ZNF540: variants seen among roughly 807,000 people sequenced by gnomAD.
ZNF540 encodes the protein zinc finger protein 540, also known as CTD-3064H18.6.
Under a neutral mutation model 11.8 loss-of-function variants are expected in ZNF540, and 3 were observed. The observed-to-expected ratio is 0.25, with a 90% CI of 0.12 to 0.65. The LOEUF is 0.65. Ranked by LOEUF, ZNF540 falls within the 30% of genes least tolerant of loss-of-function variation. The pLI, the probability that ZNF540 is intolerant of heterozygous loss-of-function variation, is 0.83. For missense variants in ZNF540, 709 were observed against 793.1 expected (o/e 0.89, Z 1.27); for synonymous variants, 247 against 259.0 (o/e 0.95, Z 0.45).
chr19:37,580,730 A>G (rs1451909039), intron 1 of ZNF540, among the ~76,000 whole-genome samples: 1 of 152,120 alleles, frequency 6.6e-6, no homozygotes, highest in African/African-American at 2.4e-5. Flanking sequence ...CCCTCTCACC[A>G]TGTGATCTCT....
chr19:37,591,142 CT>C (rs1374787003), upstream of ZNF540, among the ~76,000 whole-genome samples: 16 of 152,236 alleles, frequency 1.1e-4, no homozygotes, highest in Middle Eastern at 3.4e-3. Context: ...AAACGACAGC[CT>C]TATGGCAATG....
chr19:37,566,135 C>T (rs1490606367), intron 1 of ZNF540: 1 of 1,613,976 alleles, frequency 6.2e-7, no homozygotes, highest in South Asian at 1.1e-5. Context: ...TGCTTCTTGA[C>T]CCTCTAAGTT....
intron 4 of ZNF540, among the ~76,000 whole-genome samples, chr19:37,609,978 C>A (rs1023266164): frequency 6.6e-6 from 1 of 152,170 alleles, no homozygotes; most frequent in African/African-American, 2.4e-5. Context: ...CAGTGAACAA[C>A]AGGATTGGAA....
chr19:37,563,086 C>G (rs919599242), intron 1 of ZNF540: 2 of 152,070 alleles, frequency 1.3e-5, no homozygotes, highest in Non-Finnish European at 2.9e-5. Context: ...CCCAGCACTT[C>G]TGGAGGCTGA....
At chr19:37,580,701 A>C (rs2043425784) in intron 1 of ZNF540, among the ~76,000 whole-genome samples, 1 of 152,094 alleles carries the variant, frequency 6.6e-6, no homozygotes, top group South Asian at 2.1e-4. Flanking sequence ...CTGGTTTTTA[A>C]AAAAGCCTGT....
Position 37,606,140 on chromosome 19 carries a change from T to C in ZNF540, c.232+5035T>C, listed in dbSNP as rs562763273. The stretch of plus-strand genomic sequence containing the variant: ...TACCTTCCATTTTTGTTGATTTTCC[T>C]TTTCTGAACATTTCATATAAATGGG... On this transcript the variant is annotated intron_variant, in intron 4 of 4. Transcript: ENST00000316433. Among the ~76,000 whole-genome samples, 4 of 152,316 alleles carry C rather than the reference T, an allele frequency of 2.6e-5. No individual in the cohort carries two copies. In the South Asian group the frequency reaches 8.3e-4, roughly 32 times the overall value.
At chr19:37,566,169 C>T in intron 1 of ZNF540, 3 of 1,614,006 alleles carry the variant, frequency 1.9e-6, no homozygotes, top group African/African-American at 1.3e-5. Flanking sequence ...ATATTGTCTC[C>T]AAGACCATTG....
intron 3 of ZNF540, 85 bp from the exon 4 acceptor site, chr19:37,600,925 A>G: frequency 8.9e-7 from 1 of 1,128,186 alleles, no homozygotes; most frequent in Non-Finnish European, 1.3e-6. Context: ...ATGTTGATCC[A>G]TATAAATTTA....
intron 2 of ZNF540, among the ~76,000 whole-genome samples, chr19:37,598,740 C>T (rs1451454301): frequency 6.6e-6 from 1 of 152,080 alleles, no homozygotes; most frequent in Non-Finnish European, 1.5e-5. Flanking sequence ...GTAATGAAAC[C>T]AAGAATGGAA....
intron 1 of ZNF540, among the ~76,000 whole-genome samples, chr19:37,554,607 G>A (rs1005969918): frequency 1.3e-5 from 2 of 152,098 alleles, no homozygotes; most frequent in Non-Finnish European, 2.9e-5. Context: ...TGGCTGATAG[G>A]TTCCAAAAAA....
rs201441853 is a variant in ZNF540 at position 37,612,932 on chromosome 19, A to G, written c.1652A>G (p.Tyr551Cys). 253 of 1,614,068 alleles carry G rather than the reference A, an allele frequency of 1.6e-4. No individual in the cohort carries two copies. Among genetic ancestry groups the G allele is most frequent in the Non-Finnish European group, 2.0e-4 (240 of 1,180,012 alleles). Residue 551 changes from tyrosine (Y) to cysteine (C), a missense_variant, in exon 5 of 5, where the codon TAT becomes TGT. Coordinates refer to ENST00000316433, the MANE Select transcript of ZNF540 (RefSeq NM_001172225.3). The stretch of plus-strand genomic sequence containing the variant: ...AAAATTCATTCTGGTTTAAAACCCT[A>G]TGACTGTAAAGAATGTGGGAAGTCC... ...HLKIHSGLKP[Y>C]DCKECGKSFS...
chr19:37,593,125 GTTTT>G (rs767668305), upstream of ZNF540, among the ~76,000 whole-genome samples: 1 of 146,532 alleles, frequency 6.8e-6, no homozygotes, highest in Non-Finnish European at 1.5e-5. Context: ...CTTATTGTTA[GTTTT>G]TTTTTTTATG....
chr19:37,603,004 CTTTTTT>C (rs569985494), intron 4 of ZNF540, among the ~76,000 whole-genome samples: 2,671 of 113,244 alleles, frequency 0.024, 46 homozygotes, highest in South Asian at 0.099. Context: ...TGTAAGGAGT[CTTTTTT>C]TTTTTTTTTT....
At chr19:37,600,924 C>T (rs1269923207) in intron 3 of ZNF540, 86 bp from the exon 4 acceptor site, 2 of 1,106,548 alleles carry the variant, frequency 1.8e-6, no homozygotes, top group African/African-American at 1.6e-5. Context: ...CATGTTGATC[C>T]ATATAAATTT....
chr19:37,564,481 G>A, intron 1 of ZNF540: 1 of 880,680 alleles, frequency 1.1e-6, no homozygotes, highest in Non-Finnish European at 1.6e-6. Flanking sequence ...CTGCATCCAT[G>A]TTAATGTAGG....
chr19:37,612,035 T>C lies in ZNF540; in HGVS notation c.755T>C (p.Phe252Ser). Residue 252 changes from phenylalanine to serine, a missense_variant, in exon 5 of 5, where the codon TTT (phenylalanine) becomes TCT (serine). By Grantham distance (155) the Phe-to-Ser change is radical. Transcript: ENST00000316433. ...PYECQECGKTFTLYPQLNRHQ... is the reference protein window; with the variant it reads ...PYECQECGKTSTLYPQLNRHQ... Reference sequence around the variant, plus strand: ...GAATGTCAAGAATGTGGGAAGACCTTTACTCTTTACCCACAACTTAATCGA... The same window carrying C: ...GAATGTCAAGAATGTGGGAAGACCTCTACTCTTTACCCACAACTTAATCGA... 6.2e-7 allele frequency: 1 copy of C among 1,613,400 alleles called. No individual in the cohort carries two copies. The highest frequency in any genetic ancestry group is 8.5e-7 in the Non-Finnish European group (1 of 1,179,858).
Position 37,611,911 on chromosome 19 carries a change from G to T in ZNF540, c.631G>T (p.Gly211Cys). 3 of 1,613,664 alleles carry T rather than the reference G, an allele frequency of 1.9e-6. No homozygotes were observed. Among genetic ancestry groups the T allele is most frequent in the Non-Finnish European group, 2.5e-6 (3 of 1,179,952 alleles). The change falls in exon 5 of 5, where the codon GGT becomes TGT. Residue 211 changes from glycine (G) to cysteine (C), a missense_variant. Coordinates refer to ENST00000316433, the MANE Select transcript of ZNF540 (RefSeq NM_001172225.3). Reference sequence around the variant, plus strand: ...TACTCTCCATCAGAAAATTCATACTGGTGAAAAATCCTGTAAATGTGAGAA... The same window carrying T: ...TACTCTCCATCAGAAAATTCATACTTGTGAAAAATCCTGTAAATGTGAGAA... ...QLTLHQKIHT[G>C]EKSCKCEKCG...
At chr19:37,565,070 C>T (rs780191337) in intron 1 of ZNF540, 12 of 1,613,212 alleles carry the variant, frequency 7.4e-6, no homozygotes, top group Admixed American at 1.7e-5. Flanking sequence ...AAAGGCCTTT[C>T]CACATTCCTT....
chr19:37,564,975 G>C, intron 1 of ZNF540: 3 of 1,613,430 alleles, frequency 1.9e-6, no homozygotes, highest in Non-Finnish European at 2.5e-6. Context: ...TGTGTAGCAC[G>C]TACAAAGGTC....
Sources: allele counts gnomAD v4.1 joint callset (sites outside exome capture counted in the v4.1 genomes callset), GRCh38; gene constraint gnomAD v4.1.1; transcripts MANE v1.5; gene names NCBI Gene and HGNC (gene_info 2026-07-23, HGNC 2026-07-21).